Variants in F11 observed in about 807,000 individuals in gnomAD.
F11 encodes coagulation factor XI.
Under a neutral mutation model 76.5 loss-of-function variants are expected in F11, and 78 were observed. That is an observed-to-expected ratio of 1.02 (90% CI 0.85 to 1.23). The LOEUF (loss-of-function observed/expected upper bound fraction) is 1.23. F11 is among the 50% of genes most tolerant of loss of function. The pLI, the probability that F11 is intolerant of heterozygous loss-of-function variation, is 0.00. For missense variants in F11, 742 were observed against 771.4 expected, an observed-to-expected ratio of 0.96 and a Z score of 0.45; for synonymous variants, 278 against 276.3, an observed-to-expected ratio of 1.01 and a Z score of -0.06.
intron 1 of F11, among the ~76,000 whole-genome samples, chr4:186,266,863 G>A (rs968943549): frequency 7.2e-5 from 11 of 152,066 alleles, no homozygotes; most frequent in Non-Finnish European, 1.5e-4. Flanking sequence ...AGAGAGCGGC[G>A]GGGCCGGCGG....
chr4:186,273,266 C>T (rs1454309254), intron 4 of F11, 89 bp downstream of exon 4: 2 of 1,022,152 alleles, frequency 2.0e-6, no homozygotes, highest in African/African-American at 3.1e-5. Context: ...TGAAATGAAA[C>T]ACTGCTATGT....
chr4:186,271,988 A>G (rs1740007697), intron 3 of F11, among the ~76,000 whole-genome samples: 1 of 152,168 alleles, frequency 6.6e-6, no homozygotes, highest in African/African-American at 2.4e-5. Flanking sequence ...AGCCTCTCCT[A>G]TAGTCTCATA....
In F11 at chr4:186,267,158, G is replaced by C; in HGVS notation, c.22G>C (p.Val8Leu). Residue 8 changes from valine to leucine, a missense_variant, in exon 2 of 15, where the codon GTA (valine) becomes CTA (leucine). Physicochemically the swap from Val to Leu is conservative, Grantham distance 32. Coordinates refer to ENST00000403665, the MANE Select transcript of F11 (RefSeq NM_000128.4). ...TAGGATGATTTTCTTATATCAAGTG[G>C]TACATTTCATTTTATTTACTTCAGT... is the stretch of plus-strand genomic sequence containing the variant. MIFLYQV[V>L]HFILFTSVSG... 2 of 1,581,746 alleles carry C rather than the reference G, an allele frequency of 1.3e-6. No individual in the cohort carries two copies. Among genetic ancestry groups the C allele is most frequent in the Non-Finnish European group, 1.7e-6 (2 of 1,150,620 alleles).
chr4:186,284,171 G>T lies in F11; in HGVS notation c.1215G>T (p.Leu405=). ...VRGEWPWQVT[L]HTTSPTQRHL... is the part of the protein sequence containing the mutation. ...GTGAGTGGCCGTGGCAGGTGACCCT[G>T]CACACAACCTCACCCACTCAGAGAC... The change falls in exon 11 of 15, where the codon CTG becomes CTT. Residue 405 remains leucine (L), a synonymous_variant. Transcript: ENST00000403665. 6.2e-7 allele frequency: 1 copy of T among 1,614,210 alleles called. No individual in the cohort carries two copies. Among genetic ancestry groups the T allele is most frequent in the Non-Finnish European group, 8.5e-7 (1 of 1,180,042 alleles).
At position 186,275,870 on chromosome 4, in the gene F11, T is replaced by C. The variant is rs574509278; in HGVS notation, c.569T>C (p.Leu190Pro). 3.1e-6 allele frequency: 5 copies of C among 1,612,398 alleles called. No homozygotes were observed. The East Asian group carries it at 8.9e-5, about 29-fold the overall frequency. Residue 190 changes from leucine (L) to proline (P), a missense_variant, in exon 6 of 15, where the codon CTG becomes CCG. Physicochemically the swap from Leu to Pro is moderately conservative, Grantham distance 98. Coordinates refer to ENST00000403665, the MANE Select transcript of F11 (RefSeq NM_000128.4). ...GATAAAGTGGTGTCTGGATTTTCAC[T>C]GAAATCCTGTGCACTTTCTAATCTG... ...KLDKVVSGFS[L>P]KSCALSNLAC...
intron 2 of F11, among the ~76,000 whole-genome samples, chr4:186,267,445 G>T (rs1366043013): frequency 6.6e-6 from 1 of 152,130 alleles, no homozygotes; most frequent in African/African-American, 2.4e-5. Context: ...TCATTTAAAT[G>T]ATATTTAAAA....
intron 9 of F11, 31 bp downstream of exon 9, chr4:186,280,416 C>T (rs780837643): frequency 2.5e-6 from 4 of 1,614,002 alleles, no homozygotes; most frequent in South Asian, 2.2e-5. Flanking sequence ...TGCAGACACC[C>T]TTGTCCCGTC....
In F11 at chr4:186,280,169, A is replaced by G. The variant is rs958976874; in HGVS notation, c.865+48A>G. On this transcript the variant is annotated intron_variant, in intron 8 of 14. Coordinates refer to ENST00000403665, the MANE Select transcript of F11 (RefSeq NM_000128.4). ...TGGCTGAGAGTGACCAGCCCCGAGG[A>G]GGCTGATACATGCTGAGGGAGGGTC... is the stretch of plus-strand genomic sequence containing the variant. The G allele has an allele frequency of 2.5e-6, 4 of 1,611,852 alleles. No homozygotes were observed. In the Admixed American group the frequency reaches 6.7e-5, roughly 27 times the overall value.
At chr4:186,276,110 A>G in intron 6 of F11, 121 bp from the exon 7 acceptor site, 4 of 1,237,000 alleles carry the variant, frequency 3.2e-6, no homozygotes, top group Admixed American at 2.2e-5. Context: ...CTAAATAAAA[A>G]AAAATTAAAA....
chr4:186,271,922 G>C, intron 3 of F11, 151 bp downstream of exon 3: 4 of 988,860 alleles, frequency 4.0e-6, no homozygotes, highest in Middle Eastern at 2.7e-4. Flanking sequence ...AGAAAGAAGT[G>C]ATGGTGTTTA....
intron 5 of F11, chr4:186,275,183 TAA>T (rs1402310517): frequency 1.3e-5 from 6 of 456,902 alleles, no homozygotes; most frequent in Admixed American, 7.0e-5. Flanking sequence ...AAGATAAAGT[TAA>T]GTCATTAAAA....
chr4:186,277,534 A>C (rs902915305), intron 7 of F11, among the ~76,000 whole-genome samples: 1 of 152,206 alleles, frequency 6.6e-6, no homozygotes, highest in African/African-American at 2.4e-5. Context: ...ACTAAAAGAC[A>C]ATTCAGTCCA....
chr4:186,283,981 C>G, intron 10 of F11, 111 bp from the exon 11 acceptor site: 1 of 1,545,086 alleles, frequency 6.5e-7, no homozygotes, highest in Non-Finnish European at 8.9e-7. Flanking sequence ...AACTCAGGGT[C>G]ATGATAAACT....
Position 186,287,937 on chromosome 4 carries a change from C to T in F11, c.1716+114C>T, listed in dbSNP as rs1219511859. The T allele has an allele frequency of 1.6e-5, 21 of 1,280,086 alleles. No homozygotes were observed. The African/African-American group carries it at 2.9e-4, about 17-fold the overall frequency. The allele number at this position is 1,280,086 out of a possible 1,614,324, so 79.3% of individuals were successfully genotyped here. ...TGTTTTTTTTTGAGACAGAGTCTCGCTCTGTTGCCCAGGCTGGAGTGCAGT... is the reference window on the plus strand; with the variant it reads ...TGTTTTTTTTTGAGACAGAGTCTCGTTCTGTTGCCCAGGCTGGAGTGCAGT... On this transcript the variant is annotated intron_variant, in intron 14 of 14. Transcript: ENST00000403665.
In F11 at chr4:186,285,629, G is replaced by C; in HGVS notation, c.1305-9G>C. ...GGAAATTTCTTTCCCTCTGTTGTTT[G>C]CTCCTTAGGGTAGAGTCACCTAAGA... On this transcript the variant is annotated splice_polypyrimidine_tract_variant and intron_variant, in intron 11 of 14. Transcript: ENST00000403665. The C allele has an allele frequency of 1.9e-6, 3 of 1,613,572 alleles. No homozygotes were observed. The highest frequency in any genetic ancestry group is 2.5e-6 in the Non-Finnish European group (3 of 1,179,610).
intron 12 of F11, chr4:186,286,046 G>T: frequency 1.7e-6 from 1 of 592,690 alleles, no homozygotes; most frequent in Non-Finnish European, 3.0e-6. Context: ...TCTTCTTCAG[G>T]TGCATAGAAT....
chr4:186,275,426 C>T (rs4253413), intron 5 of F11, among the ~76,000 whole-genome samples: 37,107 of 151,942 alleles, frequency 0.24, 5,319 homozygotes, highest in East Asian at 0.35. Context: ...ACCCAGGAGG[C>T]GGAGGTTGCA....
At chr4:186,285,878 T>A in intron 12 of F11, 65 bp downstream of exon 12, 1 of 1,542,322 alleles carries the variant, frequency 6.5e-7, no homozygotes, top group Non-Finnish European at 9.0e-7. Context: ...TTAACACTAC[T>A]AGACTTACGG....
At chr4:186,270,912 C>T (rs935690536) in intron 2 of F11, among the ~76,000 whole-genome samples, 13 of 146,202 alleles carry the variant, frequency 8.9e-5, no homozygotes, top group Admixed American at 2.8e-4. Context: ...TGCCATGTTG[C>T]CCAGGCTGGT....
Sources: gnomAD v4.1 joint callset for allele counts (sites outside exome capture counted in the v4.1 genomes callset) on GRCh38, gnomAD v4.1.1 for gene constraint, MANE v1.5 for transcripts, NCBI Gene and HGNC (gene_info 2026-07-23, HGNC 2026-07-21) for gene names.